GPC5: variants seen among roughly 807,000 people sequenced by gnomAD.
The protein encoded by GPC5 is glypican-5.
GPC5 carries 47 observed loss-of-function variants against 53.9 expected under a neutral mutation model. The ratio of observed to expected loss-of-function variants is 0.87; its 90% confidence interval spans 0.69 to 1.11. The LOEUF (loss-of-function observed/expected upper bound fraction) is 1.11. GPC5 is among the 50% of genes most tolerant of loss of function. GPC5 has a pLI of 0.00. For missense variants in GPC5, 748 were observed against 713.1 expected (o/e 1.05, Z -0.56); for synonymous variants, 286 against 263.3 (o/e 1.09, Z -0.84).
At chr13:91,571,839 T>TGTGTGTGTGTATACACACATACGTGTG (rs1555325833) in intron 2 of GPC5, among the ~76,000 whole-genome samples, 1 of 91,132 alleles carries the variant, frequency 1.1e-5, no homozygotes, top group African/African-American at 7.7e-5. Flanking sequence ...ACACATATAC[T>TGTGTGTGTGTATACACACATACGTGTG]TGTGTGTATA....
intron 7 of GPC5, among the ~76,000 whole-genome samples, chr13:92,554,575 C>A: frequency 6.8e-6 from 1 of 147,450 alleles, no homozygotes; most frequent in African/African-American, 2.5e-5. Flanking sequence ...AAAATTCATC[C>A]CCAAAACTAT....
chr13:91,426,253 C>T (rs1879040869), intron 1 of GPC5, among the ~76,000 whole-genome samples: 1 of 151,654 alleles, frequency 6.6e-6, no homozygotes, highest in Admixed American at 6.6e-5. Context: ...TTCCCGGTAG[C>T]CCCTCCCGTC....
chr13:91,895,993 A>G (rs938088683), intron 5 of GPC5, among the ~76,000 whole-genome samples: 1 of 151,812 alleles, frequency 6.6e-6, no homozygotes, highest in Non-Finnish European at 1.5e-5. Flanking sequence ...CCGTGGTCCC[A>G]TTGTCTTCTC....
chr13:91,968,684 A>T (rs111620780), intron 6 of GPC5, among the ~76,000 whole-genome samples: 3,592 of 151,620 alleles, frequency 0.024, 141 homozygotes, highest in African/African-American at 0.082. Context: ...CTTGTCTCGA[A>T]CTCCTGACCT....
chr13:91,711,122 T>C (rs190849387), intron 3 of GPC5, among the ~76,000 whole-genome samples: 3 of 152,296 alleles, frequency 2.0e-5, no homozygotes, highest in Admixed American at 2.0e-4. Context: ...CAAAGGATTA[T>C]ACAAATCATG....
At chr13:91,484,112 T>C (rs1883457139) in intron 2 of GPC5, among the ~76,000 whole-genome samples, 1 of 152,216 alleles carries the variant, frequency 6.6e-6, no homozygotes, top group South Asian at 2.1e-4. Context: ...TTTTCTAACA[T>C]GTTTTGACAT....
intron 6 of GPC5, among the ~76,000 whole-genome samples, chr13:92,032,912 C>T (rs1413293062): frequency 1.3e-5 from 2 of 152,140 alleles, no homozygotes; most frequent in African/African-American, 2.4e-5. Context: ...ATCCAAGCAT[C>T]TCTTTCTCCC....
intron 7 of GPC5, among the ~76,000 whole-genome samples, chr13:92,161,956 CATATATATATATATAT>C (rs55867004): frequency 5.4e-4 from 52 of 96,024 alleles, no homozygotes; most frequent in Middle Eastern, 0.01. Flanking sequence ...AATATATAGC[CATATATATATATATAT>C]ATATATATAT....
intron 6 of GPC5, among the ~76,000 whole-genome samples, chr13:91,999,235 A>G (rs1217132877): frequency 6.6e-6 from 1 of 151,982 alleles, no homozygotes; most frequent in Non-Finnish European, 1.5e-5. Flanking sequence ...GCTATGAAAC[A>G]TACTCCAGTA....
intron 7 of GPC5, among the ~76,000 whole-genome samples, chr13:92,609,310 T>A (rs941893483): frequency 1.3e-5 from 2 of 152,040 alleles, no homozygotes; most frequent in African/African-American, 4.8e-5. Flanking sequence ...AGGGGGTTGG[T>A]TGGGGAATAC....
chr13:91,547,666 C>T (rs1019138894), intron 2 of GPC5, among the ~76,000 whole-genome samples: 3 of 151,914 alleles, frequency 2.0e-5, no homozygotes, highest in Non-Finnish European at 4.4e-5. Context: ...ACTCTAATAC[C>T]AAAAACACAA....
At chr13:91,847,766 G>A (rs1263481767) in intron 5 of GPC5, among the ~76,000 whole-genome samples, 1 of 152,050 alleles carries the variant, frequency 6.6e-6, no homozygotes, top group Non-Finnish European at 1.5e-5. Context: ...ACATCTCCTG[G>A]TTACTTGATC....
At chr13:91,634,552 T>A (rs553048377) in intron 2 of GPC5, among the ~76,000 whole-genome samples, 114 of 152,156 alleles carry the variant, frequency 7.5e-4, no homozygotes, top group Non-Finnish European at 1.4e-3. Context: ...AATCACCTAA[T>A]TTAGCTCACT....
At chr13:92,401,069 A>T (rs1875534342) in intron 7 of GPC5, among the ~76,000 whole-genome samples, 1 of 152,124 alleles carries the variant, frequency 6.6e-6, no homozygotes. Context: ...CTGTTCCCAA[A>T]ATGGAGCTTT....
chr13:92,070,365 G>T (rs1366519784), intron 6 of GPC5, among the ~76,000 whole-genome samples: 2 of 152,106 alleles, frequency 1.3e-5, no homozygotes, highest in Non-Finnish European at 2.9e-5. Flanking sequence ...TAAACTTCAT[G>T]CTTTCCTCTT....
intron 6 of GPC5, among the ~76,000 whole-genome samples, chr13:92,035,214 CAAAA>C (rs11410459): frequency 1.7e-5 from 2 of 119,836 alleles, no homozygotes; most frequent in Non-Finnish European, 1.7e-5. Context: ...GACTCCGTCT[CAAAA>C]AAAAAAAAAA....
chr13:92,288,103 A>T (rs534353953), intron 7 of GPC5, among the ~76,000 whole-genome samples: 1 of 151,992 alleles, frequency 6.6e-6, no homozygotes, highest in East Asian at 1.9e-4. Context: ...CATAATTTCT[A>T]TTTAAATCCC....
chr13:91,505,878 G>A (rs1032245373), intron 2 of GPC5, among the ~76,000 whole-genome samples: 4 of 151,990 alleles, frequency 2.6e-5, no homozygotes, highest in Non-Finnish European at 2.9e-5. Flanking sequence ...CTTCTCAAAC[G>A]CTGTCCTTTG....
chr13:92,136,784 G>C (rs2041787908), intron 6 of GPC5, among the ~76,000 whole-genome samples: 1 of 152,176 alleles, frequency 6.6e-6, no homozygotes, highest in Non-Finnish European at 1.5e-5. Flanking sequence ...GCAAGTGTTT[G>C]AAAGGCTATA....
Sources: gnomAD v4.1 joint callset for allele counts (sites outside exome capture counted in the v4.1 genomes callset) on GRCh38, gnomAD v4.1.1 for gene constraint, MANE v1.5 for transcripts, NCBI Gene and HGNC (gene_info 2026-07-23, HGNC 2026-07-21) for gene names.